MAGEL2: variants seen among roughly 807,000 people sequenced by gnomAD.
MAGEL2 encodes the protein MAGE family member L2, also known as MAGE-like protein 2.
For missense variants in MAGEL2, 1,830 were observed against 1,699.2 expected (o/e 1.08, Z -1.35); for synonymous variants, 792 against 721.7 (o/e 1.10, Z -1.56).
rs1890336320 is a variant in MAGEL2, at chr15:23,644,015, G to T, written c.3728C>A (p.Thr1243Asn). 17 of 1,602,428 alleles carry T rather than the reference G, an allele frequency of 1.1e-5. No individual in the cohort carries two copies. Among genetic ancestry groups the T allele is most frequent in the Non-Finnish European group, 1.4e-5 (16 of 1,172,608 alleles). The change falls in exon 1 of 1, where the codon ACC becomes AAC. Residue 1243 changes from threonine to asparagine, a missense_variant. By Grantham distance (65) the Thr-to-Asn change is moderately conservative. Transcript: ENST00000650528. ...CTATTAGCGGGGAGGGGGCCTGCTG[G>T]TGGGGCCGTGGGCACTGTCACCGGT... ...PDTGDSAHGP[T>N]SRPPPR
rs372805925 is a variant in MAGEL2, at chr15:23,644,772, C to T, written c.2971G>A (p.Val991Ile). The change falls in exon 1 of 1, where the codon GTA (valine) becomes ATA (isoleucine). Residue 991 changes from valine (V) to isoleucine (I), a missense_variant. Coordinates refer to ENST00000650528, the MANE Select transcript of MAGEL2 (RefSeq NM_019066.5). ...ACACTTGCGACCTCAGACACAACTA[C>T]GGGCAGAGAGCTCCCTGGGCTTTCA... ...LSESPGSSLPVVVSEVASVSP... is the reference protein window; with the variant it reads ...LSESPGSSLPIVVSEVASVSP... The T allele has an allele frequency of 1.9e-4, 303 of 1,613,694 alleles. 1 individual carries two copies. Among genetic ancestry groups the T allele is most frequent in the South Asian group, 1.0e-3 (92 of 91,074 alleles).
Position 23,644,206 on chromosome 15 carries a change from C to A in MAGEL2, c.3537G>T (p.Glu1179Asp). 1 of 1,613,916 alleles carries A rather than the reference C, an allele frequency of 6.2e-7. No individual in the cohort carries two copies. Among genetic ancestry groups the A allele is most frequent in the Non-Finnish European group, 8.5e-7 (1 of 1,179,858 alleles). ...CTCGAGGGCCCCAGAGGAACTCATA[C>A]TCTGCGGGCTCAGTGTAAGGGATTC... ...YRRIPYTEPA[E>D]YEFLWGPRAF... Residue 1179 changes from glutamate (E) to aspartate (D), a missense_variant, in exon 1 of 1, where the codon GAG becomes GAT. Physicochemically the swap from Glu to Asp is conservative, Grantham distance 45. Transcript: ENST00000650528.
In MAGEL2 at chr15:23,644,131, G is replaced by C. The variant is rs768727349; in HGVS notation, c.3612C>G (p.Leu1204=). ...KMLVLRFLAK[L]HKKDPQSWPF... Reference sequence around the variant, plus strand: ...GCCAGCTCTGTGGATCTTTCTTATGGAGCTTGGCCAAAAACCTCAGGACAA... The same window carrying C: ...GCCAGCTCTGTGGATCTTTCTTATGCAGCTTGGCCAAAAACCTCAGGACAA... The change falls in exon 1 of 1, where the codon CTC becomes CTG. Residue 1204 remains leucine, a synonymous_variant. Coordinates refer to ENST00000650528, the MANE Select transcript of MAGEL2 (RefSeq NM_019066.5). The C allele has an allele frequency of 8.3e-5, 134 of 1,613,818 alleles. No individual in the cohort carries two copies. Among genetic ancestry groups the C allele is most frequent in the Admixed American group, 1.3e-4 (8 of 59,988 alleles).
In MAGEL2 at chr15:23,646,253, G is replaced by C. The variant is rs1428338556; in HGVS notation, c.1490C>G (p.Pro497Arg). Residue 497 changes from proline to arginine, a missense_variant, in exon 1 of 1, where the codon CCG (proline) becomes CGG (arginine). By Grantham distance (103) the Pro-to-Arg change is moderately radical (BLOSUM62 -2). Transcript: ENST00000650528. This position sits in a 1 kb window ranked among gnomAD's most constrained non-coding sequence, Gnocchi z 4.2. ...CTGTGGGGCAGGTCGGATGGGCGGC[G>C]GCGCCTGGCGGATCAGCGGCGGGGC... ...RQAPPLIRQA[P>R]PPIRPAPQVL... is the part of the protein sequence containing the mutation. 8 of 1,359,738 alleles carry C rather than the reference G, an allele frequency of 5.9e-6. No homozygotes were observed. Among genetic ancestry groups the C allele is most frequent in the Non-Finnish European group, 7.5e-6 (8 of 1,066,026 alleles). The allele number at this position is 1,359,738 out of a possible 1,614,324, so 84.2% of individuals were successfully genotyped here.
At position 23,644,824 on chromosome 15, in the gene MAGEL2, C is replaced by A; in HGVS notation, c.2919G>T (p.Pro973=). Residue 973 remains proline, a synonymous_variant, in exon 1 of 1, where the codon CCG becomes CCT. Coordinates refer to ENST00000650528, the MANE Select transcript of MAGEL2 (RefSeq NM_019066.5). ...AGAGACCCAGGGCCCTGGAGGTGCT[C>A]GGGCCCTCCCAGGCACTCAGGGCCC... ...ASWALSAWEG[P]STSRALGLSE... 6.2e-7 allele frequency: 1 copy of A among 1,612,436 alleles called. No homozygotes were observed.
Position 23,647,010 on chromosome 15 carries a change from G to A in MAGEL2, c.733C>T (p.Pro245Ser), listed in dbSNP as rs1324334839. 6.5e-7 allele frequency: 1 copy of A among 1,536,842 alleles called. No homozygotes were observed. The highest frequency in any genetic ancestry group is 1.4e-5 in the African/African-American group (1 of 73,020). The change falls in exon 1 of 1, where the codon CCG becomes TCG. Residue 245 changes from proline to serine, a missense_variant. By Grantham distance (74) the Pro-to-Ser change is moderately conservative. Transcript: ENST00000650528. Reference sequence around the variant, plus strand: ...GCAGGCTGGACCATCAGGACTCCCGGAGTCAGAGGCTGGGCCATCAGGACT... The same window carrying A: ...GCAGGCTGGACCATCAGGACTCCCGAAGTCAGAGGCTGGGCCATCAGGACT... The part of the protein sequence containing the change: ...PGVLMAQPLT[P>S]GVLMVQPAAP...
chr15:23,646,363 C>G lies in MAGEL2; in HGVS notation c.1380G>C (p.Gln460His). ...GGGCCTGGCGGATCACAGCGGGGGC[C>G]TGGCGGATCACGGGTGGGGCCTGGC... ...VIRQAPPVIRQAPAVIRQAPP... is the reference protein window; with the variant it reads ...VIRQAPPVIRHAPAVIRQAPP... The change falls in exon 1 of 1, where the codon CAG (glutamine) becomes CAC (histidine). Residue 460 changes from glutamine to histidine, a missense_variant. Physicochemically the swap from Gln to His is conservative, Grantham distance 24. Coordinates refer to ENST00000650528, the MANE Select transcript of MAGEL2 (RefSeq NM_019066.5). This position sits in a 1 kb window ranked among gnomAD's most constrained non-coding sequence, Gnocchi z 4.2. The G allele has an allele frequency of 7.2e-7, 1 of 1,382,112 alleles. No homozygotes were observed. Among genetic ancestry groups the G allele is most frequent in the Non-Finnish European group, 9.3e-7 (1 of 1,078,992 alleles). 85.6% of individuals were successfully genotyped at this position (1,382,112 alleles called of 1,614,324 possible).
chr15:23,643,826 A>T lies in MAGEL2; in HGVS notation c.*167T>A. On this transcript the variant is annotated 3_prime_UTR_variant, in exon 1 of 1. Coordinates refer to ENST00000650528, the MANE Select transcript of MAGEL2 (RefSeq NM_019066.5). ...ACAGAACAGTAGCCGATTGAAATCA[A>T]CACCACATAAAAAATGTACAAAGCT... The T allele has an allele frequency of 1.5e-6, 1 of 682,360 alleles. No homozygotes were observed. The allele number at this position is 682,360 out of a possible 1,614,324, so 42.3% of individuals were successfully genotyped here.
chr15:23,644,874 C>A lies in MAGEL2; in HGVS notation c.2869G>T (p.Gly957Cys), dbSNP rs1478941101. 1.2e-6 allele frequency: 2 copies of A among 1,612,518 alleles called. No homozygotes were observed. The highest frequency in any genetic ancestry group is 3.3e-5 in the Admixed American group (2 of 59,990). ...CAGGATGCGCTGGGCCCTTCCCAGCCACTCAGGATCCTGGAGGTGCTAGGG... is the reference window on the plus strand; with the variant it reads ...CAGGATGCGCTGGGCCCTTCCCAGCAACTCAGGATCCTGGAGGTGCTAGGG... ...EGPSTSRILS[G>C]WEGPSASWAL... Residue 957 changes from glycine to cysteine, a missense_variant, in exon 1 of 1, where the codon GGC becomes TGC. Coordinates refer to ENST00000650528, the MANE Select transcript of MAGEL2 (RefSeq NM_019066.5).
Position 23,647,283 on chromosome 15 carries a change from G to T in MAGEL2, c.460C>A (p.Pro154Thr), listed in dbSNP as rs1169854094. ...PPGTPMSHPP[P>T]PGTPMAHPPP... ...GGATGGGCCATTGGGGTCCCCGGAG[G>T]GGGAGGGTGGGACATTGGGGTCCCC... The change falls in exon 1 of 1, where the codon CCT becomes ACT. Residue 154 changes from proline (P) to threonine (T), a missense_variant. By Grantham distance (38) the Pro-to-Thr change is conservative (BLOSUM62 -1). Transcript: ENST00000650528. The T allele has an allele frequency of 6.5e-7, 1 of 1,535,032 alleles. No individual in the cohort carries two copies. Among genetic ancestry groups the T allele is most frequent in the Non-Finnish European group, 8.7e-7 (1 of 1,146,064 alleles).
rs768824507 is a variant in MAGEL2 at position 23,644,812 on chromosome 15, C to T, written c.2931G>A (p.Arg977=). ...CTGGGCTTTCAGAGAGACCCAGGGC[C>T]CTGGAGGTGCTCGGGCCCTCCCAGG... ...LSAWEGPSTS[R]ALGLSESPGS... is the part of the protein sequence containing the mutation. The change falls in exon 1 of 1, where the codon AGG becomes AGA. Residue 977 remains arginine (R), a synonymous_variant. Transcript: ENST00000650528. The T allele has an allele frequency of 6.2e-7, 1 of 1,613,066 alleles. No individual in the cohort carries two copies. Among genetic ancestry groups the T allele is most frequent in the South Asian group, 1.1e-5 (1 of 91,064 alleles).
In MAGEL2 at chr15:23,644,710, C is replaced by G; in HGVS notation, c.3033G>C (p.Lys1011Asn). 1 of 1,613,866 alleles carries G rather than the reference C, an allele frequency of 6.2e-7. No homozygotes were observed. Among genetic ancestry groups the G allele is most frequent in the Non-Finnish European group, 8.5e-7 (1 of 1,179,888 alleles). Residue 1011 changes from lysine to asparagine, a missense_variant, in exon 1 of 1, where the codon AAG (lysine) becomes AAC (asparagine). By Grantham distance (94) the Lys-to-Asn change is moderately conservative. Transcript: ENST00000650528. ...PGSSATQDNS[K>N]VEAQPLSPLD... ...AGGGAGACAAGGGCTGTGCCTCCAC[C>G]TTGGAATTATCCTGGGTGGCACTGG...
rs1038598112 is a variant in MAGEL2 at position 23,646,367 on chromosome 15, C to A, written c.1376G>T (p.Arg459Leu). ...PVIRQAPPVI[R>L]QAPAVIRQAP... ...CTGGCGGATCACAGCGGGGGCCTGG[C>A]GGATCACGGGTGGGGCCTGGCGGAT... Residue 459 changes from arginine to leucine, a missense_variant, in exon 1 of 1, where the codon CGC (arginine) becomes CTC (leucine). Coordinates refer to ENST00000650528, the MANE Select transcript of MAGEL2 (RefSeq NM_019066.5). The surrounding 1 kb of genome is among the most constrained non-coding windows in gnomAD (Gnocchi z 4.2). The A allele has an allele frequency of 1.2e-5, 17 of 1,378,618 alleles. No individual in the cohort carries two copies. The East Asian group carries it at 1.5e-4, about 12-fold the overall frequency. The allele number at this position is 1,378,618 out of a possible 1,614,324, so 85.4% of individuals were successfully genotyped here. A position where few individuals can be genotyped will look rare whatever the true frequency, so the allele number is the denominator to read the frequency against.
In MAGEL2 at chr15:23,644,912, C is replaced by T. The variant is rs1566783726; in HGVS notation, c.2831G>A (p.Ser944Asn). Reference sequence around the variant, plus strand: ...GGAGGTGCTAGGGCCCTCCCAACCACTCAGGCCACGGGGGGTGTTTGGGTG... The same window carrying T: ...GGAGGTGCTAGGGCCCTCCCAACCATTCAGGCCACGGGGGGTGTTTGGGTG... ...WEHPNTPRGLSGWEGPSTSRI... is the reference protein window; with the variant it reads ...WEHPNTPRGLNGWEGPSTSRI... The change falls in exon 1 of 1, where the codon AGT becomes AAT. Residue 944 changes from serine (S) to asparagine (N), a missense_variant. Transcript: ENST00000650528. The T allele has an allele frequency of 7.4e-6, 12 of 1,613,402 alleles. No individual in the cohort carries two copies. The highest frequency in any genetic ancestry group is 1.1e-5 in the South Asian group (1 of 91,086).
rs1483510989 is a variant in MAGEL2 at position 23,647,254 on chromosome 15, A to G, written c.489T>C (p.Pro163=). The part of the protein sequence containing the change: ...PPPGTPMAHP[P]PPGTPMAHPP... ...GATGGGCCATCGGGGTCCCCGGAGG[A>G]GGAGGATGGGCCATTGGGGTCCCCG... Residue 163 remains proline (P), a synonymous_variant, in exon 1 of 1, where the codon CCT becomes CCC. Transcript: ENST00000650528. 11 of 1,512,672 alleles carry G rather than the reference A, an allele frequency of 7.3e-6. No homozygotes were observed. The highest frequency in any genetic ancestry group is 6.1e-5 in the South Asian group (5 of 82,100). The allele number at this position is 1,512,672 out of a possible 1,614,324, so 93.7% of individuals were successfully genotyped here. A position where few individuals can be genotyped will look rare whatever the true frequency, so the allele number is the denominator to read the frequency against.
chr15:23,645,624 G>A lies in MAGEL2; in HGVS notation c.2119C>T (p.Pro707Ser), dbSNP rs753289907. The A allele has an allele frequency of 1.0e-5, 16 of 1,593,418 alleles. 1 individual carries two copies. In the South Asian group the frequency reaches 1.5e-4, roughly 15 times the overall value. ...ATCAATGATTTAGCGGAGCCCAGGG[G>A]AAAATTTGCCGCTGCTACCGGGGGT... ...PGPPVAAANF[P>S]LGSAKSLMTP... Residue 707 changes from proline (P) to serine (S), a missense_variant, in exon 1 of 1, where the codon CCC (proline) becomes TCC (serine). Transcript: ENST00000650528.
At position 23,647,575 on chromosome 15, in the gene MAGEL2, G is replaced by A. The variant is rs1424524558; in HGVS notation, c.168C>T (p.Ala56=). The stretch of plus-strand genomic sequence containing the variant: ...AGGCAGGCTGAGGTGCCTGCCAAGC[G>A]GCCAATGAAGCCTGCAAGTCAATTG... The part of the protein sequence containing the change: ...PPPIDLQASL[A]AWQAPQPAWE... The change falls in exon 1 of 1, where the codon GCC becomes GCT. Residue 56 remains alanine, a synonymous_variant. Coordinates refer to ENST00000650528, the MANE Select transcript of MAGEL2 (RefSeq NM_019066.5). 9.1e-6 allele frequency: 14 copies of A among 1,535,992 alleles called. No homozygotes were observed. The highest frequency in any genetic ancestry group is 1.2e-5 in the South Asian group (1 of 83,988).
Position 23,645,974 on chromosome 15 carries a change from G to C in MAGEL2, c.1769C>G (p.Pro590Arg). Residue 590 changes from proline (P) to arginine (R), a missense_variant, in exon 1 of 1, where the codon CCC (proline) becomes CGC (arginine). Physicochemically the swap from Pro to Arg is moderately radical, Grantham distance 103. Coordinates refer to ENST00000650528, the MANE Select transcript of MAGEL2 (RefSeq NM_019066.5). The stretch of plus-strand genomic sequence containing the variant: ...GTGTGGCACCGGGGGCTGACCTTTG[G>C]GGGCCTGCCAGATGATGGAAGGGCA... ...VHCPSIIWQA[P>R]KGQPPVPHEI... 6.4e-7 allele frequency: 1 copy of C among 1,560,964 alleles called. No homozygotes were observed. The highest frequency in any genetic ancestry group is 1.2e-5 in the South Asian group (1 of 85,052).
In MAGEL2 at chr15:23,646,067, G is replaced by A. The variant is rs1192724337; in HGVS notation, c.1676C>T (p.Pro559Leu). The A allele has an allele frequency of 3.3e-5, 50 of 1,495,462 alleles. No homozygotes were observed. The highest frequency in any genetic ancestry group is 4.2e-5 in the Non-Finnish European group (47 of 1,125,990). 92.6% of individuals were successfully genotyped at this position (1,495,462 alleles called of 1,614,324 possible). A position where few individuals can be genotyped will look rare whatever the true frequency, so the allele number is the denominator to read the frequency against. ...CGGCAGCACAGGCTGGGGCACCTGC[G>A]GGCCAGCGGGCGGCGCCGCGGGTAC... ...TQVPAAPPAG[P>L]QVPQPVLPAP... The change falls in exon 1 of 1, where the codon CCG (proline) becomes CTG (leucine). Residue 559 changes from proline (P) to leucine (L), a missense_variant. By Grantham distance (98) the Pro-to-Leu change is moderately conservative (BLOSUM62 -3). Transcript: ENST00000650528. The surrounding 1 kb of genome is among the most constrained non-coding windows in gnomAD (Gnocchi z 4.2).
Sources: gnomAD v4.1 joint callset for allele counts on GRCh38, gnomAD v4.1.1 for gene constraint, Gnocchi (gnomAD v3.1) non-coding constraint, MANE v1.5 for transcripts, NCBI Gene and HGNC (gene_info 2026-07-23, HGNC 2026-07-21) for gene names.